The following TEX36 variants were observed in gnomAD, a reference collection of about 807,000 sequenced individuals.
TEX36 encodes the protein testis expressed 36.
TEX36 carries 12 observed loss-of-function variants against 13.6 expected under a neutral mutation model. The ratio of observed to expected loss-of-function variants is 0.88; its 90% CI spans 0.56 to 1.43. The LOEUF (loss-of-function observed/expected upper bound fraction) is 1.43, where lower values mean the gene tolerates loss of function less well. TEX36 is among the 40% of genes most tolerant of loss of function. The pLI, the probability that TEX36 is intolerant of heterozygous loss-of-function variation, is 0.00. For synonymous variants in TEX36, 93 were observed against 83.0 expected, an observed-to-expected ratio of 1.12 and a Z score of -0.65; for missense variants, 224 against 228.3, an observed-to-expected ratio of 0.98 and a Z score of 0.12.
intron 3 of TEX36, among the ~76,000 whole-genome samples, chr10:125,583,692 T>A (rs1285086699): frequency 1.3e-5 from 2 of 152,236 alleles, no homozygotes; most frequent in African/African-American, 4.8e-5. Flanking sequence ...GTAATACTTT[T>A]AAAATGTTTT....
chr10:125,674,964 G>T (rs1251102258), intron 1 of TEX36, among the ~76,000 whole-genome samples: 1 of 152,258 alleles, frequency 6.6e-6, no homozygotes, highest in African/African-American at 2.4e-5. Context: ...CATTGAGCTG[G>T]GGGAATCTCC....
chr10:125,674,433 T>C (rs1421838485), intron 1 of TEX36, among the ~76,000 whole-genome samples: 3 of 152,334 alleles, frequency 2.0e-5, no homozygotes, highest in Non-Finnish European at 4.4e-5. Context: ...AATTCATCCA[T>C]CTCAGCTTCT....
At chr10:125,662,889 A>G (rs4595459) in intron 1 of TEX36, among the ~76,000 whole-genome samples, 43,669 of 152,102 alleles carry the variant, frequency 0.29, 10,050 homozygotes, top group African/African-American at 0.61. Context: ...CTCTTATGGC[A>G]AGAGAAGCTC....
At chr10:125,634,265 G>A (rs1305477590) in intron 3 of TEX36, among the ~76,000 whole-genome samples, 1 of 152,126 alleles carries the variant, frequency 6.6e-6, no homozygotes, top group Non-Finnish European at 1.5e-5. Context: ...GCCAGCAGAA[G>A]CCAGGTCCCA....
At chr10:125,645,406 GAGAA>G (rs1459741019) in intron 3 of TEX36, among the ~76,000 whole-genome samples, 2 of 152,024 alleles carry the variant, frequency 1.3e-5, no homozygotes, top group Admixed American at 1.3e-4. Flanking sequence ...TTGATAATAA[GAGAA>G]AGAAAGACCT....
intron 2 of TEX36, 69 bp downstream of exon 2, chr10:125,661,777 C>T (rs765559184): frequency 8.5e-6 from 13 of 1,527,164 alleles, no homozygotes; most frequent in African/African-American, 1.4e-5. Flanking sequence ...TTTGGCCCAA[C>T]GTGCCAGCGG....
chr10:125,665,321 A>C (rs939867010), intron 1 of TEX36, among the ~76,000 whole-genome samples: 2 of 152,040 alleles, frequency 1.3e-5, no homozygotes, highest in African/African-American at 2.4e-5. Context: ...TTTTTGTCTA[A>C]ACCAAGGTTC....
chr10:125,582,840 C>A (rs1845899629), intron 3 of TEX36, among the ~76,000 whole-genome samples: 1 of 151,950 alleles, frequency 6.6e-6, no homozygotes, highest in African/African-American at 2.4e-5. Context: ...CAATATATAG[C>A]CAAATGGACT....
rs760215142 is a variant in TEX36 at position 125,661,955 on chromosome 10, T to C, written c.74A>G (p.Gln25Arg). 17 of 1,552,254 alleles carry C rather than the reference T, an allele frequency of 1.1e-5. No homozygotes were observed. The South Asian group carries it at 2.0e-4, about 18-fold the overall frequency. Residue 25 changes from glutamine to arginine, a missense_variant, in exon 2 of 4, where the codon CAA becomes CGA. Transcript: ENST00000368821. ...GRWFPHIGLT[Q>R]KTPESITSAT... ...ACTGGTGATGGATTCTGGTGTCTTT[T>C]GCGTTAGCCCGATGTGAGGGAACTG...
At chr10:125,601,483 T>C (rs1250357686) in intron 3 of TEX36, among the ~76,000 whole-genome samples, 1 of 152,256 alleles carries the variant, frequency 6.6e-6, no homozygotes, top group East Asian at 1.9e-4. Flanking sequence ...AATTCAAGAA[T>C]TTGTAATTGC....
chr10:125,593,799 T>C (rs1422217947), intron 3 of TEX36, among the ~76,000 whole-genome samples: 1 of 152,200 alleles, frequency 6.6e-6, no homozygotes, highest in African/African-American at 2.4e-5. Flanking sequence ...GCACAGAGTT[T>C]CTGTTGAGGA....
intron 3 of TEX36, among the ~76,000 whole-genome samples, chr10:125,633,115 C>T (rs1021629407): frequency 1.3e-5 from 2 of 151,580 alleles, no homozygotes; most frequent in African/African-American, 4.9e-5. Context: ...CAGAATGAGA[C>T]CCTGTCTCAA....
At chr10:125,646,124 T>G (rs1391414116) in intron 3 of TEX36, among the ~76,000 whole-genome samples, 1 of 151,616 alleles carries the variant, frequency 6.6e-6, no homozygotes, top group Non-Finnish European at 1.5e-5. Flanking sequence ...AGCTCAGGAG[T>G]TTGAGACCAT....
intron 3 of TEX36, among the ~76,000 whole-genome samples, chr10:125,611,665 C>A (rs1296040506): frequency 6.6e-6 from 1 of 151,254 alleles, no homozygotes; most frequent in African/African-American, 2.4e-5. Flanking sequence ...TTGCACTTTG[C>A]CTTTTACTTT....
chr10:125,654,021 C>G (rs1457088421), downstream of TEX36, among the ~76,000 whole-genome samples: 1 of 151,972 alleles, frequency 6.6e-6, no homozygotes, highest in Non-Finnish European at 1.5e-5. Flanking sequence ...TAATAATATT[C>G]CAATTGTACT....
intron 3 of TEX36, among the ~76,000 whole-genome samples, chr10:125,591,027 T>A (rs1846015794): frequency 6.6e-6 from 1 of 152,180 alleles, no homozygotes. Context: ...CTGCCTGCAC[T>A]GTACTATACC....
At chr10:125,676,877 AG>A (rs781508851) in intron 1 of TEX36, among the ~76,000 whole-genome samples, 1 of 152,164 alleles carries the variant, frequency 6.6e-6, no homozygotes, top group Non-Finnish European at 1.5e-5. Flanking sequence ...ATTTCTCAAA[AG>A]GTCAATCTAA....
chr10:125,582,984 T>C (rs1026968852), intron 3 of TEX36, among the ~76,000 whole-genome samples: 2 of 152,122 alleles, frequency 1.3e-5, no homozygotes, highest in African/African-American at 2.4e-5. Context: ...CAACACTGAG[T>C]CATGTTAGAC....
intron 3 of TEX36, among the ~76,000 whole-genome samples, chr10:125,632,343 T>G (rs1438854964): frequency 6.6e-6 from 1 of 152,194 alleles, no homozygotes; most frequent in Non-Finnish European, 1.5e-5. Context: ...GAAATCCTCT[T>G]GGCTTGTCTG....
Sources: allele counts gnomAD v4.1 joint callset (sites outside exome capture counted in the v4.1 genomes callset), GRCh38; gene constraint gnomAD v4.1.1; transcripts MANE v1.5; gene names NCBI Gene and HGNC (gene_info 2026-07-23, HGNC 2026-07-21).